Variants in TTC6 observed in about 807,000 individuals in gnomAD.
TTC6 encodes the protein tetratricopeptide repeat domain 6, also known as tetratricopeptide repeat protein 6.
A neutral mutation model predicts 210.4 loss-of-function variants in TTC6; 172 were observed. That is an observed-to-expected ratio of 0.82 (90% CI 0.72 to 0.93). TTC6 has a LOEUF of 0.93. Among genes scored for constraint, TTC6 ranks in the 40% least tolerant of loss-of-function variants. The probability of loss-of-function intolerance (pLI) is 0.00; values close to 1 mark genes in which losing one functional copy is unlikely to be tolerated. For synonymous variants in TTC6, 804 were observed against 819.6 expected (o/e 0.98, Z 0.32); for missense variants, 2,414 against 2,318.1 (o/e 1.04, Z -0.85).
At chr14:37,784,216 T>G (rs2096062254) in intron 14 of TTC6, among the ~76,000 whole-genome samples, 1 of 152,192 alleles carries the variant, frequency 6.6e-6, no homozygotes, top group African/African-American at 2.4e-5. Flanking sequence ...ATGTTGACAG[T>G]GGGGTGTTAA....
At chr14:37,712,416 C>T (rs1279403282) in intron 5 of TTC6, among the ~76,000 whole-genome samples, 1 of 152,188 alleles carries the variant, frequency 6.6e-6, no homozygotes, top group Non-Finnish European at 1.5e-5. Flanking sequence ...AGTCCCTAGA[C>T]CTTCCCCTGT....
intron 14 of TTC6, among the ~76,000 whole-genome samples, chr14:37,771,573 C>G (rs1476309452): frequency 1.3e-5 from 2 of 152,164 alleles, no homozygotes; most frequent in East Asian, 3.9e-4. Flanking sequence ...ATTGCTGATA[C>G]CCTTTCTTCC....
chr14:37,604,648 G>A (rs1369482707), intron 1 of TTC6, among the ~76,000 whole-genome samples: 1 of 152,096 alleles, frequency 6.6e-6, no homozygotes, highest in Non-Finnish European at 1.5e-5. Flanking sequence ...CGGGGTTGTG[G>A]TTTGGATCTA....
At chr14:37,671,894 A>G (rs553597058) in intron 1 of TTC6, among the ~76,000 whole-genome samples, 17 of 152,068 alleles carry the variant, frequency 1.1e-4, no homozygotes, top group Admixed American at 3.3e-4. Context: ...CTGTGTGCTC[A>G]CACTGCCCTG....
At chr14:37,728,423 A>T (rs2016114) in intron 7 of TTC6, among the ~76,000 whole-genome samples, 34 of 27,726 alleles carry the variant, frequency 1.2e-3, no homozygotes, top group African/African-American at 4.0e-3. Flanking sequence ...CTACCAAAAA[A>T]AAAAAAAAAA....
chr14:37,750,858 C>G (rs2095949695), intron 12 of TTC6, among the ~76,000 whole-genome samples, 195 bp from the exon 15 acceptor site: 1 of 151,870 alleles, frequency 6.6e-6, no homozygotes, highest in Non-Finnish European at 1.5e-5. Context: ...CCACTGCACT[C>G]CAGCCTTGGT....
At chr14:37,805,849 C>T (rs1481712222) in intron 21 of TTC6, among the ~76,000 whole-genome samples, 5 of 151,982 alleles carry the variant, frequency 3.3e-5, no homozygotes, top group South Asian at 2.1e-4. Flanking sequence ...TACAGGCTCA[C>T]GCCACCGCAC....
exon 6 of TTC6, chr14:37,714,717 C>A: frequency 6.5e-7 from 1 of 1,535,594 alleles, no homozygotes; most frequent in Admixed American, 2.0e-5. Context: ...CCTCCGACAC[C>A]GCAAGGGATA....
At chr14:37,733,184 T>G (rs546416877) in intron 7 of TTC6, among the ~76,000 whole-genome samples, 1 of 152,328 alleles carries the variant, frequency 6.6e-6, no homozygotes, top group South Asian at 2.1e-4. Flanking sequence ...ATCCTTTGAT[T>G]CCATTTACCC....
chr14:37,599,997 A>T (rs2095612498), intron 1 of TTC6, among the ~76,000 whole-genome samples: 1 of 152,030 alleles, frequency 6.6e-6, no homozygotes, highest in African/African-American at 2.4e-5. Flanking sequence ...CCTCCTGGGG[A>T]GCGCGGTCTC....
intron 30 of TTC6, 28 bp downstream of exon 32, chr14:37,841,698 G>A: frequency 6.5e-7 from 1 of 1,531,200 alleles, no homozygotes; most frequent in East Asian, 2.3e-5. Flanking sequence ...ATTCTGGTAA[G>A]ATTACAGTGG....
chr14:37,751,051 A>G lies in TTC6; in HGVS notation c.2957-2A>G. 6.6e-7 allele frequency: 1 copy of G among 1,510,798 alleles called. No homozygotes were observed. Among genetic ancestry groups the G allele is most frequent in the African/African-American group, 1.4e-5 (1 of 72,160 alleles). The allele number at this position is 1,510,798 out of a possible 1,614,324, so 93.6% of individuals were successfully genotyped here. A position where few individuals can be genotyped will look rare whatever the true frequency, so the allele number is the denominator to read the frequency against. On this transcript the variant is annotated splice_acceptor_variant, in intron 12 of 30. Transcript: ENST00000553443. LOFTEE classifies it high-confidence loss of function. ...AAATTTTATCTTTTTAATTTTCTTT[A>G]GAGGCATATTTGTCAAAAGCAGAAA...
At chr14:37,610,291 C>T (rs1229393918) in intron 2 of TTC6, among the ~76,000 whole-genome samples, 1 of 152,180 alleles carries the variant, frequency 6.6e-6, no homozygotes, top group Non-Finnish European at 1.5e-5. Context: ...AAACATGTTG[C>T]CCTCTTCCAG....
chr14:37,714,383 T>G (rs1316863565), intron 5 of TTC6, among the ~76,000 whole-genome samples: 1 of 152,102 alleles, frequency 6.6e-6, no homozygotes, highest in Non-Finnish European at 1.5e-5. Flanking sequence ...TTTAACCTCT[T>G]TTGCAACTAG....
chr14:37,823,025 C>G (rs761424146), intron 26 of TTC6, among the ~76,000 whole-genome samples: 1 of 152,138 alleles, frequency 6.6e-6, no homozygotes. Context: ...AAATCCTAGA[C>G]TCTCTCCATG....
chr14:37,767,731 T>G (rs1047142627), intron 14 of TTC6, among the ~76,000 whole-genome samples: 1 of 151,906 alleles, frequency 6.6e-6, no homozygotes, highest in Non-Finnish European at 1.5e-5. Context: ...CTGCGAAAAT[T>G]TTCTCCCATT....
chr14:37,761,238 C>T (rs747526604), intron 14 of TTC6, among the ~76,000 whole-genome samples: 45 of 151,848 alleles, frequency 3.0e-4, no homozygotes, highest in Non-Finnish European at 4.1e-4. Flanking sequence ...CATGGCTTCC[C>T]TTGGTTGGGG....
chr14:37,735,830 TTAA>T (rs547739775), intron 7 of TTC6, 88 bp from the exon 10 acceptor site: 5 of 687,154 alleles, frequency 7.3e-6, no homozygotes, highest in Non-Finnish European at 1.1e-5. Flanking sequence ...GGTTCTTTTG[TTAA>T]TAATGTTGTA....
chr14:37,837,552 C>T (rs988793711), intron 29 of TTC6: 9 of 345,098 alleles, frequency 2.6e-5, no homozygotes, highest in Non-Finnish European at 5.2e-5. Context: ...GGTGATGTTC[C>T]CTCTCCATGT....
Sources: allele counts gnomAD v4.1 joint callset (sites outside exome capture counted in the v4.1 genomes callset), GRCh38; gene constraint gnomAD v4.1.1; transcripts MANE v1.5; gene names NCBI Gene and HGNC (gene_info 2026-07-23, HGNC 2026-07-21).